RERE: variants seen among roughly 807,000 people sequenced by gnomAD.
RERE encodes the protein arginine-glutamic acid dipeptide repeats protein.
RERE carries 40 observed loss-of-function variants against 146.1 expected under a neutral mutation model. The observed-to-expected ratio is 0.27, with a 90% confidence interval of 0.21 to 0.36. RERE has a LOEUF of 0.36. Ranked by LOEUF, RERE falls within the 10% of genes least tolerant of loss-of-function variation. The probability of loss-of-function intolerance (pLI) is 1.00; values close to 1 mark genes in which losing one functional copy is unlikely to be tolerated. For missense variants in RERE, 1,933 were observed against 2,138.7 expected, an observed-to-expected ratio of 0.90 and a Z score of 1.90; for synonymous variants, 1,003 against 866.0, an observed-to-expected ratio of 1.16 and a Z score of -2.78.
chr1:8,481,553 T>C (rs1443665849), intron 10 of RERE, among the ~76,000 whole-genome samples: 1 of 152,230 alleles, frequency 6.6e-6, no homozygotes, highest in African/African-American at 2.4e-5. Context: ...ACTTGCCTCA[T>C]AGAATTGTTA....
At chr1:8,404,515 C>T (rs146018837) in intron 12 of RERE, among the ~76,000 whole-genome samples, 410 of 152,292 alleles carry the variant, frequency 2.7e-3, no homozygotes, top group Non-Finnish European at 4.8e-3. Context: ...GCCTCAGCCT[C>T]CCAAAGTGCT....
At chr1:8,600,230 T>G (rs1012401551) in intron 4 of RERE, among the ~76,000 whole-genome samples, 1 of 152,176 alleles carries the variant, frequency 6.6e-6, no homozygotes, top group African/African-American at 2.4e-5. Flanking sequence ...GAGAGTCCAT[T>G]AAACCTCTTT....
intron 8 of RERE, among the ~76,000 whole-genome samples, chr1:8,503,127 T>TAAATAAATA (rs1553176592): frequency 7.0e-6 from 1 of 143,688 alleles, no homozygotes; most frequent in African/African-American, 2.6e-5. Context: ...AATAAATAAA[T>TAAATAAATA]AAAAAAGAAT....
At chr1:8,534,499 T>C (rs1454671062) in intron 7 of RERE, among the ~76,000 whole-genome samples, 1 of 152,158 alleles carries the variant, frequency 6.6e-6, no homozygotes, top group Non-Finnish European at 1.5e-5. Flanking sequence ...ACGCACTCCC[T>C]AGCTCTGTTT....
chr1:8,654,022 C>T (rs953024033), intron 2 of RERE, among the ~76,000 whole-genome samples: 1 of 151,054 alleles, frequency 6.6e-6, no homozygotes, highest in African/African-American at 2.5e-5. Flanking sequence ...TAAGTTCTAG[C>T]ACTGACTTTT....
intron 1 of RERE, among the ~76,000 whole-genome samples, chr1:8,684,451 T>A (rs1639040462): frequency 6.6e-6 from 1 of 151,974 alleles, no homozygotes; most frequent in African/African-American, 2.4e-5. Context: ...TATGATGGAA[T>A]CAATGCTGAA....
intron 11 of RERE, among the ~76,000 whole-genome samples, chr1:8,427,398 A>G (rs1040398938): frequency 2.0e-5 from 3 of 151,974 alleles, no homozygotes; most frequent in African/African-American, 7.3e-5. Flanking sequence ...CTCTCCCCAT[A>G]TGATCTCCAC....
At chr1:8,809,000 T>C (rs1450067939) in intron 1 of RERE, among the ~76,000 whole-genome samples, 1 of 151,888 alleles carries the variant, frequency 6.6e-6, no homozygotes, top group Non-Finnish European at 1.5e-5. Context: ...TAGTCAGGCA[T>C]GGTGGCAGGC....
chr1:8,710,837 G>A (rs923996082), intron 1 of RERE, among the ~76,000 whole-genome samples: 1 of 152,014 alleles, frequency 6.6e-6, no homozygotes, highest in Admixed American at 6.6e-5. Flanking sequence ...ATATTTAAGA[G>A]TGATAGGCCA....
chr1:8,725,733 T>C (rs1335125509), intron 1 of RERE, among the ~76,000 whole-genome samples: 2 of 152,116 alleles, frequency 1.3e-5, no homozygotes, highest in African/African-American at 2.4e-5. Context: ...TTCCAAACCA[T>C]ATTTGATGAA....
At chr1:8,642,107 T>C (rs1647188887) in intron 2 of RERE, among the ~76,000 whole-genome samples, 1 of 152,248 alleles carries the variant, frequency 6.6e-6, no homozygotes, top group South Asian at 2.1e-4. Flanking sequence ...TGAAAGAATT[T>C]GGTCTGTTAG....
intron 1 of RERE, among the ~76,000 whole-genome samples, chr1:8,726,147 C>CTTTTTTTT (rs70985511): frequency 2.3e-4 from 16 of 69,398 alleles, no homozygotes; most frequent in African/African-American, 4.6e-4. Context: ...TTTTTCTTTT[C>CTTTTTTTT]TTTTTTTTTT....
intron 1 of RERE, among the ~76,000 whole-genome samples, chr1:8,684,207 T>C (rs1264628150): frequency 1.3e-5 from 2 of 152,160 alleles, no homozygotes; most frequent in Non-Finnish European, 2.9e-5. Flanking sequence ...AGGACAAATT[T>C]TTCATGGTTC....
intron 4 of RERE, 43 bp downstream of exon 4, chr1:8,614,518 G>T (rs201073187): frequency 2.5e-6 from 4 of 1,581,642 alleles, no homozygotes; most frequent in South Asian, 1.1e-5. Flanking sequence ...TACCCTATGG[G>T]ATATAAAATA....
At chr1:8,490,509 A>G (rs1358890681) in intron 10 of RERE, among the ~76,000 whole-genome samples, 1 of 150,488 alleles carries the variant, frequency 6.6e-6, no homozygotes, top group Non-Finnish European at 1.5e-5. Context: ...ACTTTTATTT[A>G]TAATGGCCAA....
At chr1:8,623,065 T>C (rs776268318) in intron 3 of RERE, among the ~76,000 whole-genome samples, 15 of 152,178 alleles carry the variant, frequency 9.9e-5, no homozygotes, top group Non-Finnish European at 8.8e-5. Flanking sequence ...TAGGATCCCT[T>C]GTAAGATCAA....
intron 1 of RERE, among the ~76,000 whole-genome samples, chr1:8,744,450 CACAA>C (rs1441636129): frequency 6.6e-6 from 1 of 152,200 alleles, no homozygotes; most frequent in Non-Finnish European, 1.5e-5. Context: ...TACAACTCTT[CACAA>C]ACACTGTATT....
chr1:8,759,685 T>G (rs559553841), intron 1 of RERE, among the ~76,000 whole-genome samples: 1 of 152,168 alleles, frequency 6.6e-6, no homozygotes, highest in Non-Finnish European at 1.5e-5. Flanking sequence ...TGTGTGAAAC[T>G]GTACACCCAC....
chr1:8,655,889 T>C (rs1638269428), intron 2 of RERE, 84 bp downstream of exon 2: 6 of 1,537,142 alleles, frequency 3.9e-6, no homozygotes, highest in Non-Finnish European at 4.4e-6. Context: ...CCTTAAAGTG[T>C]ACAAAGCGTA....
Sources: gnomAD v4.1 joint callset for allele counts (sites outside exome capture counted in the v4.1 genomes callset) on GRCh38, gnomAD v4.1.1 for gene constraint, MANE v1.5 for transcripts, NCBI Gene and HGNC (gene_info 2026-07-23, HGNC 2026-07-21) for gene names.